Variants in PRDM9 observed in about 807,000 individuals in gnomAD.
The protein encoded by PRDM9 is PR/SET domain 9, also known as histone-lysine N-methyltransferase PRDM9.
Under a neutral mutation model 55.6 loss-of-function variants are expected in PRDM9, and 47 were observed. The observed-to-expected ratio is 0.85, with a 90% CI of 0.67 to 1.08. PRDM9 has a LOEUF of 1.08. Ranked by LOEUF, PRDM9 falls within the 50% of genes least tolerant of loss-of-function variation. PRDM9 has a pLI of 0.00. For missense variants in PRDM9, 867 were observed against 1,040.3 expected, an observed-to-expected ratio of 0.83 and a Z score of 2.29; for synonymous variants, 312 against 375.7, an observed-to-expected ratio of 0.83 and a Z score of 1.96.
At position 23,524,458 on chromosome 5, in the gene PRDM9, G is replaced by A. The variant is rs1739393031; in HGVS notation, c.1075G>A (p.Asp359Asn). The A allele has an allele frequency of 6.2e-7, 1 of 1,614,000 alleles. No individual in the cohort carries two copies. The highest frequency in any genetic ancestry group is 8.5e-7 in the Non-Finnish European group (1 of 1,179,904). Reference sequence around the variant, plus strand: ...CTGTGAACTGCTGGTCTGGTATGGGGATGAATACGGCCAGGAACTGGGCAT... The same window carrying A: ...CTGTGAACTGCTGGTCTGGTATGGGAATGAATACGGCCAGGAACTGGGCAT... ...PGCELLVWYG[D>N]EYGQELGIKW... The change falls in exon 10 of 11, where the codon GAT becomes AAT. Residue 359 changes from aspartate to asparagine, a missense_variant. By Grantham distance (23) the Asp-to-Asn change is conservative. Transcript: ENST00000296682.
intron 2 of PRDM9, 132 bp downstream of exon 2, chr5:23,509,234 G>C: frequency 7.3e-7 from 1 of 1,366,930 alleles, no homozygotes; most frequent in South Asian, 1.2e-5. Flanking sequence ...TCCTGGCCAG[G>C]ACATGGGGGA....
At chr5:23,514,019 C>T (rs529099903) in intron 4 of PRDM9, among the ~76,000 whole-genome samples, 2 of 152,342 alleles carry the variant, frequency 1.3e-5, no homozygotes, top group African/African-American at 4.8e-5. Flanking sequence ...TCTTCGCCAA[C>T]ACTTGCTATT....
chr5:23,514,411 G>A (rs764084140), intron 4 of PRDM9, among the ~76,000 whole-genome samples: 14 of 152,094 alleles, frequency 9.2e-5, no homozygotes, highest in Non-Finnish European at 1.6e-4. Flanking sequence ...GGAAGGAGAA[G>A]GAATTTCTTC....
chr5:23,524,155 A>C (rs1739386214), intron 9 of PRDM9, among the ~76,000 whole-genome samples, 179 bp from the exon 10 acceptor site: 1 of 152,158 alleles, frequency 6.6e-6, no homozygotes, highest in Admixed American at 6.5e-5. Context: ...TCAGAAGTGC[A>C]AGTTCATATG....
rs562996399 is a variant in PRDM9 at position 23,518,952 on chromosome 5, A to G, written c.351+1022A>G. ...TGATTCCAAGTTTATGAATTAAACT[A>G]TAAGTAACAGGGTCAAGGAATGCTG... is the stretch of plus-strand genomic sequence containing the variant. On this transcript the variant is annotated intron_variant, in intron 5 of 10. Transcript: ENST00000296682. Among the ~76,000 whole-genome samples, 13 of 152,356 alleles carry G rather than the reference A, an allele frequency of 8.5e-5. No homozygotes were observed. The South Asian group carries it at 1.9e-3, about 22-fold the overall frequency.
At chr5:23,508,805 C>A in intron 1 of PRDM9, 145 bp from the exon 2 acceptor site, 1 of 564,020 alleles carries the variant, frequency 1.8e-6, no homozygotes, top group Non-Finnish European at 3.2e-6. Flanking sequence ...CCATCAGTAC[C>A]CTCAAATCTC....
intron 4 of PRDM9, among the ~76,000 whole-genome samples, chr5:23,517,531 A>C (rs926274120): frequency 2.0e-5 from 3 of 152,282 alleles, no homozygotes; most frequent in African/African-American, 7.2e-5. Flanking sequence ...CACGCCTGTA[A>C]TCTCAGCACT....
At chr5:23,515,614 C>G (rs560506191) in intron 4 of PRDM9, among the ~76,000 whole-genome samples, 3 of 152,130 alleles carry the variant, frequency 2.0e-5, no homozygotes, top group South Asian at 2.1e-4. Context: ...AGCTTTTCCT[C>G]TGTGTTTTCT....
intron 4 of PRDM9, among the ~76,000 whole-genome samples, chr5:23,514,641 T>A (rs1360635336): frequency 6.6e-6 from 1 of 152,118 alleles, no homozygotes; most frequent in Non-Finnish European, 1.5e-5. Context: ...GGTTTTACCA[T>A]GTTGACCAGG....
chr5:23,520,695 A>T (rs1739311520), intron 5 of PRDM9, among the ~76,000 whole-genome samples: 1 of 151,912 alleles, frequency 6.6e-6, no homozygotes, highest in Admixed American at 6.6e-5. Flanking sequence ...TTTATGGAAG[A>T]TTCCCTCCTT....
intron 8 of PRDM9, 52 bp from the exon 9 acceptor site, chr5:23,523,236 ATTC>A: frequency 6.4e-7 from 1 of 1,560,570 alleles, no homozygotes; most frequent in East Asian, 2.2e-5. Context: ...GAGTAAAATA[ATTC>A]TTCTGATTTT....
intron 3 of PRDM9, 77 bp downstream of exon 3, chr5:23,509,670 C>A: frequency 6.2e-7 from 1 of 1,607,554 alleles, no homozygotes. Context: ...TTTTAGTTCT[C>A]AGGTGGTGGC....
chr5:23,519,350 G>A (rs978531535), intron 5 of PRDM9, among the ~76,000 whole-genome samples: 4 of 151,772 alleles, frequency 2.6e-5, no homozygotes, highest in Non-Finnish European at 5.9e-5. Context: ...GTGAGCCATT[G>A]CACCCAGTCT....
At chr5:23,507,904 A>T (rs1274692466) in intron 1 of PRDM9, among the ~76,000 whole-genome samples, 192 bp downstream of exon 1, 1 of 152,010 alleles carries the variant, frequency 6.6e-6, no homozygotes, top group African/African-American at 2.4e-5. Flanking sequence ...ACCCAGAGGA[A>T]CAGCGAATCT....
In PRDM9 at chr5:23,527,804, C is replaced by T. The variant is rs1335997501; in HGVS notation, c.*31C>T. The T allele has an allele frequency of 6.2e-7, 1 of 1,613,410 alleles. No individual in the cohort carries two copies. Among genetic ancestry groups the T allele is most frequent in the African/African-American group, 1.3e-5 (1 of 75,032 alleles). ...TAGTAATAAAACCTCATCTCAATAG[C>T]CACAAAAAGACAAATGTGGTCACCA... On this transcript the variant is annotated 3_prime_UTR_variant, in exon 11 of 11. Coordinates refer to ENST00000296682, the MANE Select transcript of PRDM9 (RefSeq NM_020227.4).
Position 23,515,739 on chromosome 5 carries a change from A to G in PRDM9, c.302-2142A>G, listed in dbSNP as rs1195305008. On this transcript the variant is annotated intron_variant, in intron 4 of 10. Transcript: ENST00000296682. ...CTTCTCTTTTGCATATGTATATCCA[A>G]TTTTCCCAACACCATTTCTTGCAGA... is the stretch of plus-strand genomic sequence containing the variant. Among the ~76,000 whole-genome samples, 4 of 152,098 alleles carry G rather than the reference A, an allele frequency of 2.6e-5. No individual in the cohort carries two copies. In the East Asian group the frequency reaches 7.7e-4, roughly 29 times the overall value.
chr5:23,508,260 C>T (rs1466903544), intron 1 of PRDM9, among the ~76,000 whole-genome samples: 1 of 151,988 alleles, frequency 6.6e-6, no homozygotes, highest in Non-Finnish European at 1.5e-5. Context: ...AGCTTGAGCA[C>T]TCCAAATCTC....
chr5:23,509,502 C>G lies in PRDM9; in HGVS notation c.102C>G (p.Tyr34Ter). ...VKDAFKDISI[Y>*]FTKEEWAEMG... is the part of the protein sequence containing the mutation. The stretch of plus-strand genomic sequence containing the variant: ...ATGCCTTCAAAGACATTTCCATATA[C>G]TTCACCAAGGAAGAATGGGCAGAGA... Residue 34 changes from tyrosine to a stop codon, truncating the protein, a stop_gained, in exon 3 of 11, where the codon TAC (tyrosine) becomes TAG (stop). Transcript: ENST00000296682. LOFTEE classifies it high-confidence loss of function. 3 of 1,614,178 alleles carry G rather than the reference C, an allele frequency of 1.9e-6. No homozygotes were observed. Among genetic ancestry groups the G allele is most frequent in the Non-Finnish European group, 2.5e-6 (3 of 1,180,044 alleles).
At chr5:23,518,276 T>C (rs1250151608) in intron 5 of PRDM9, among the ~76,000 whole-genome samples, 4 of 152,236 alleles carry the variant, frequency 2.6e-5, no homozygotes, top group Admixed American at 6.5e-5. Flanking sequence ...AATGTTCAGT[T>C]ATATCCCTGG....
Sources: gnomAD v4.1 joint callset for allele counts (sites outside exome capture counted in the v4.1 genomes callset) on GRCh38, gnomAD v4.1.1 for gene constraint, MANE v1.5 for transcripts, NCBI Gene and HGNC (gene_info 2026-07-23, HGNC 2026-07-21) for gene names.